PAPPA2: variants seen among roughly 807,000 people sequenced by gnomAD.
PAPPA2 encodes the protein pappalysin-2.
A neutral mutation model predicts 176.4 loss-of-function variants in PAPPA2; 86 were observed. The observed-to-expected ratio is 0.49, with a 90% confidence interval of 0.41 to 0.58. PAPPA2 has a LOEUF of 0.58. Ranked by LOEUF, PAPPA2 falls within the 20% of genes least tolerant of loss-of-function variation. The pLI, the probability that PAPPA2 is intolerant of heterozygous loss-of-function variation, is 0.00. For missense variants in PAPPA2, 2,073 were observed against 2,256.9 expected, an observed-to-expected ratio of 0.92 and a Z score of 1.65; for synonymous variants, 809 against 852.2, an observed-to-expected ratio of 0.95 and a Z score of 0.88.
At chr1:176,536,072 A>C (rs1650050835) in intron 1 of PAPPA2, among the ~76,000 whole-genome samples, 1 of 152,182 alleles carries the variant, frequency 6.6e-6, no homozygotes, top group South Asian at 2.1e-4. Context: ...AATTCATCAT[A>C]ACAGCCTGTG....
At chr1:176,623,588 T>A (rs938477855) in intron 3 of PAPPA2, among the ~76,000 whole-genome samples, 1 of 140,228 alleles carries the variant, frequency 7.1e-6, no homozygotes, top group African/African-American at 2.7e-5. Context: ...CCTTCCTTCC[T>A]TCCTTCCTTC....
intron 21 of PAPPA2, among the ~76,000 whole-genome samples, chr1:176,810,514 C>T (rs995697324): frequency 5.3e-5 from 8 of 152,180 alleles, no homozygotes; most frequent in African/African-American, 9.7e-5. Flanking sequence ...CCACAGGGTT[C>T]GTGCTCCTAT....
chr1:176,524,535 A>G (rs1301646968), intron 1 of PAPPA2, among the ~76,000 whole-genome samples: 1 of 152,244 alleles, frequency 6.6e-6, no homozygotes, highest in Non-Finnish European at 1.5e-5. Flanking sequence ...ATTATAGAAT[A>G]CTATTATTTT....
At chr1:176,783,235 T>C (rs1480612060) in intron 17 of PAPPA2, among the ~76,000 whole-genome samples, 1 of 152,238 alleles carries the variant, frequency 6.6e-6, no homozygotes, top group Admixed American at 6.5e-5. Context: ...CTCTATGTGT[T>C]ATTGTTTTTC....
intron 2 of PAPPA2, among the ~76,000 whole-genome samples, chr1:176,573,022 GT>G (rs774454901): frequency 2.0e-5 from 3 of 152,164 alleles, no homozygotes; most frequent in Non-Finnish European, 1.5e-5. Context: ...CGGGAAATTG[GT>G]GTGGTGCTGC....
intron 3 of PAPPA2, among the ~76,000 whole-genome samples, chr1:176,605,520 T>A (rs908125512): frequency 2.1e-4 from 32 of 152,370 alleles, no homozygotes; most frequent in African/African-American, 7.7e-4. Flanking sequence ...TCATAGTTTC[T>A]GCTCCCTTAT....
At chr1:176,695,115 CT>C (rs1203883610) in intron 6 of PAPPA2, among the ~76,000 whole-genome samples, 1 of 152,174 alleles carries the variant, frequency 6.6e-6, no homozygotes, top group Non-Finnish European at 1.5e-5. Flanking sequence ...GAATGGTGAT[CT>C]GTTCATTGCG....
intron 3 of PAPPA2, among the ~76,000 whole-genome samples, chr1:176,611,739 C>T (rs1654940561): frequency 2.0e-5 from 3 of 152,100 alleles, no homozygotes. Flanking sequence ...ATTTGAGTGG[C>T]TTATATTATT....
At chr1:176,734,101 C>G (rs1163611845) in intron 12 of PAPPA2, among the ~76,000 whole-genome samples, 1 of 152,146 alleles carries the variant, frequency 6.6e-6, no homozygotes, top group Non-Finnish European at 1.5e-5. Flanking sequence ...GGGGATGCAG[C>G]TGACACATCA....
rs1453659527 is a variant in PAPPA2, at chr1:176,690,257, C to A, written c.2258C>A (p.Ser753Tyr). 1 of 1,614,054 alleles carries A rather than the reference C, an allele frequency of 6.2e-7. No individual in the cohort carries two copies. Among genetic ancestry groups the A allele is most frequent in the Admixed American group, 1.7e-5 (1 of 60,022 alleles). Reference protein sequence around the residue: ...HVFKGVSERESCNDPCKETVP... With the variant: ...HVFKGVSEREYCNDPCKETVP... ...TTTAAAGGAGTCAGTGAAAGAGAAT[C>A]CTGCAATGACCCCTGCAAGGAGACA... Residue 753 changes from serine (S) to tyrosine (Y), a missense_variant, in exon 5 of 23, where the codon TCC (serine) becomes TAC (tyrosine). Ser to Tyr is a moderately radical substitution (Grantham distance 144). This residue lies in a region of PAPPA2 where 1,196 missense variants were observed against 1,330.4 expected (regional missense o/e 0.90). Transcript: ENST00000367662.
At chr1:176,690,735 T>C (rs1343185813) in intron 5 of PAPPA2, 8 of 1,171,944 alleles carry the variant, frequency 6.8e-6, no homozygotes, top group Non-Finnish European at 7.4e-6. Context: ...CCTTGACTTC[T>C]AGAATGTGGT....
At chr1:176,545,073 G>A (rs188545323) in intron 1 of PAPPA2, among the ~76,000 whole-genome samples, 79 of 152,190 alleles carry the variant, frequency 5.2e-4, no homozygotes, top group African/African-American at 1.7e-3. Flanking sequence ...ATCATTAGCC[G>A]TTGGTGATTA....
At chr1:176,658,088 G>A (rs1331954536) in intron 3 of PAPPA2, among the ~76,000 whole-genome samples, 1 of 151,976 alleles carries the variant, frequency 6.6e-6, no homozygotes. Context: ...AATGAAATAA[G>A]GAATGCTCTC....
At chr1:176,653,064 T>C (rs1309764044) in intron 3 of PAPPA2, among the ~76,000 whole-genome samples, 1 of 151,680 alleles carries the variant, frequency 6.6e-6, no homozygotes, top group Non-Finnish European at 1.5e-5. Flanking sequence ...AGTCACTTAG[T>C]CTGTTACTTT....
At chr1:176,739,538 G>C in intron 12 of PAPPA2, 88 bp from the exon 13 acceptor site, 2 of 1,364,968 alleles carry the variant, frequency 1.5e-6, no homozygotes, top group Non-Finnish European at 9.9e-7. Flanking sequence ...TAAATAGTGA[G>C]CTCTCTAAGA....
intron 21 of PAPPA2, among the ~76,000 whole-genome samples, chr1:176,800,658 C>T (rs1665643561): frequency 6.6e-6 from 1 of 152,168 alleles, no homozygotes; most frequent in African/African-American, 2.4e-5. Flanking sequence ...ACAAGACTAG[C>T]TGGCAACCGT....
chr1:176,563,677 A>C (rs1651795653), intron 2 of PAPPA2, among the ~76,000 whole-genome samples: 1 of 152,200 alleles, frequency 6.6e-6, no homozygotes, highest in South Asian at 2.1e-4. Flanking sequence ...TTCAGTGTGA[A>C]TAGAGATCAG....
chr1:176,526,550 T>C (rs1361395541), intron 1 of PAPPA2, among the ~76,000 whole-genome samples: 1 of 152,200 alleles, frequency 6.6e-6, no homozygotes, highest in African/African-American at 2.4e-5. Context: ...GGTCTCTGAA[T>C]GATTGTGTGG....
At chr1:176,666,295 T>A (rs963842045) in intron 3 of PAPPA2, among the ~76,000 whole-genome samples, 44 of 152,070 alleles carry the variant, frequency 2.9e-4, no homozygotes, top group Non-Finnish European at 3.7e-4. Flanking sequence ...TTTAAAAAAA[T>A]TTCCTGGGCA....
Sources: gnomAD v4.1 joint callset for allele counts (sites outside exome capture counted in the v4.1 genomes callset) on GRCh38, gnomAD v4.1.1 for gene constraint, gnomAD v4.1.1 regional missense constraint, MANE v1.5 for transcripts, NCBI Gene and HGNC (gene_info 2026-07-23, HGNC 2026-07-21) for gene names.